The following EXT1 variants were observed in gnomAD, a reference collection of about 807,000 sequenced individuals.
EXT1 encodes exostosin glycosyltransferase 1.
In EXT1, 20 loss-of-function variants were observed where a neutral mutation model predicts 82.5. The observed-to-expected ratio is 0.24, with a 90% confidence interval of 0.17 to 0.35. The LOEUF is 0.35. Among genes scored for constraint, EXT1 ranks in the 10% least tolerant of loss-of-function variants. EXT1 has a pLI of 1.00. For synonymous variants in EXT1, 348 were observed against 350.8 expected, an observed-to-expected ratio of 0.99 and a Z score of 0.09; for missense variants, 757 against 936.5, an observed-to-expected ratio of 0.81 and a Z score of 2.50.
chr8:118,101,847 G>A (rs1452414081), intron 1 of EXT1, among the ~76,000 whole-genome samples: 1 of 152,122 alleles, frequency 6.6e-6, no homozygotes, highest in East Asian at 1.9e-4. Flanking sequence ...GGGGAGTTAG[G>A]GAGGACAGGA....
chr8:117,801,134 G>C (rs151233683), intron 10 of EXT1, among the ~76,000 whole-genome samples: 1 of 152,204 alleles, frequency 6.6e-6, no homozygotes, highest in Non-Finnish European at 1.5e-5. Flanking sequence ...CAACATGCTC[G>C]AAAATAACAT....
intron 1 of EXT1, among the ~76,000 whole-genome samples, chr8:118,083,640 C>T (rs969978017): frequency 6.6e-6 from 1 of 152,168 alleles, no homozygotes; most frequent in Non-Finnish European, 1.5e-5. Context: ...CTGCCCAGCA[C>T]AGTCCCCAGG....
chr8:117,960,408 A>T (rs1231661542), intron 1 of EXT1, among the ~76,000 whole-genome samples: 2 of 152,174 alleles, frequency 1.3e-5, no homozygotes, highest in African/African-American at 4.8e-5. Flanking sequence ...GAAAGCTTAT[A>T]AAAAGCTCCA....
At chr8:117,871,143 G>A (rs545624129) in intron 1 of EXT1, among the ~76,000 whole-genome samples, 1 of 152,092 alleles carries the variant, frequency 6.6e-6, no homozygotes, top group Non-Finnish European at 1.5e-5. Flanking sequence ...TCCCTAATCT[G>A]CCCTTGTTTA....
intron 8 of EXT1, among the ~76,000 whole-genome samples, chr8:117,809,361 G>C (rs1823286008): frequency 6.6e-6 from 1 of 151,360 alleles, no homozygotes; most frequent in South Asian, 2.1e-4. Context: ...ACGGGGCCAG[G>C]CACAGTGTCT....
At chr8:117,804,348 C>T (rs1459675148) in intron 10 of EXT1, among the ~76,000 whole-genome samples, 1 of 152,106 alleles carries the variant, frequency 6.6e-6, no homozygotes, top group Non-Finnish European at 1.5e-5. Context: ...TCTGCTGGTG[C>T]CTTGATCTGG....
chr8:118,007,024 G>A (rs865978037), intron 1 of EXT1, among the ~76,000 whole-genome samples: 2 of 152,198 alleles, frequency 1.3e-5, no homozygotes, highest in Non-Finnish European at 2.9e-5. Context: ...CTGGCCGGGC[G>A]CGGTGGCTCA....
intron 1 of EXT1, among the ~76,000 whole-genome samples, chr8:117,904,060 AG>A (rs1254311937): frequency 2.6e-5 from 4 of 152,238 alleles, no homozygotes; most frequent in Non-Finnish European, 5.9e-5. Flanking sequence ...TCTTATCTTC[AG>A]GAACTTCTGG....
intron 1 of EXT1, among the ~76,000 whole-genome samples, chr8:118,048,756 T>C (rs1816669913): frequency 6.6e-6 from 1 of 152,158 alleles, no homozygotes; most frequent in South Asian, 2.1e-4. Context: ...GATCTATGAG[T>C]GGAATTAAAT....
intron 1 of EXT1, among the ~76,000 whole-genome samples, chr8:118,019,718 T>C (rs1439249712): frequency 6.6e-6 from 1 of 152,252 alleles, no homozygotes; most frequent in Non-Finnish European, 1.5e-5. Flanking sequence ...GCACTCGCTA[T>C]GTATTAAGTA....
At position 118,110,533 on chromosome 8, in the gene EXT1, G is replaced by A. The variant is rs1403919037; in HGVS notation, c.514C>T (p.His172Tyr). ...CTCTGCACTTTGGATCTCAAATTGT[G>A]CACATACTGAGGTGACAACTGGTCT... is the stretch of plus-strand genomic sequence containing the variant. ...DRDQLSPQYV[H>Y]NLRSKVQSLH... The change falls in exon 1 of 11, where the codon CAC (histidine) becomes TAC (tyrosine). Residue 172 changes from histidine to tyrosine, a missense_variant. Transcript: ENST00000378204. 1 of 1,614,022 alleles carries A rather than the reference G, an allele frequency of 6.2e-7. No homozygotes were observed. The highest frequency in any genetic ancestry group is 8.5e-7 in the Non-Finnish European group (1 of 1,180,044).
intron 1 of EXT1, among the ~76,000 whole-genome samples, chr8:118,048,146 T>C (rs1816653282): frequency 6.6e-6 from 1 of 152,214 alleles, no homozygotes; most frequent in Non-Finnish European, 1.5e-5. Context: ...GTCAATGCAT[T>C]GTTCAGATGA....
In EXT1 at chr8:118,110,063, A is replaced by G. The variant is rs199777879; in HGVS notation, c.962+22T>C. On this transcript the variant is annotated intron_variant, in intron 1 of 10. Coordinates refer to ENST00000378204, the MANE Select transcript of EXT1 (RefSeq NM_000127.3). ...CAGAGCCCAAGGCTGACTCCCAAAG[A>G]CACGCCAGCCCAGACACTTACTTCT... is the stretch of plus-strand genomic sequence containing the variant. 1.3e-3 allele frequency: 2,083 copies of G among 1,613,168 alleles called. 3 individuals carry two copies. The highest frequency in any genetic ancestry group is 1.9e-3 in the African/African-American group (141 of 74,750).
chr8:118,037,139 C>T lies in EXT1; in HGVS notation c.962+72946G>A, dbSNP rs553296342. On this transcript the variant is annotated intron_variant, in intron 1 of 10. Coordinates refer to ENST00000378204, the MANE Select transcript of EXT1 (RefSeq NM_000127.3). Reference sequence around the variant, plus strand: ...TTGTCTTAAACATCACATCTTCTAACTTTATGATCAATGCTTGTGATTCTC... The same window carrying T: ...TTGTCTTAAACATCACATCTTCTAATTTTATGATCAATGCTTGTGATTCTC... 5.9e-5 allele frequency among the ~76,000 whole-genome samples: 9 copies of T among 152,164 alleles called. No individual in the cohort carries two copies. In the South Asian group the frequency reaches 1.7e-3, roughly 28 times the overall value.
At chr8:117,902,751 C>T (rs1412551146) in intron 1 of EXT1, among the ~76,000 whole-genome samples, 1 of 152,230 alleles carries the variant, frequency 6.6e-6, no homozygotes, top group African/African-American at 2.4e-5. Flanking sequence ...TTCTTCCATT[C>T]ATTTTTTTCA....
At chr8:118,094,214 A>G (rs925628757) in intron 1 of EXT1, among the ~76,000 whole-genome samples, 4 of 152,164 alleles carry the variant, frequency 2.6e-5, no homozygotes, top group African/African-American at 9.7e-5. Flanking sequence ...TACTTTTGTA[A>G]TAGGAGAACG....
chr8:117,915,352 CATAT>C (rs58661474), intron 1 of EXT1, among the ~76,000 whole-genome samples: 2 of 147,328 alleles, frequency 1.4e-5, no homozygotes. Context: ...TAGATATAAC[CATAT>C]ATATATATAT....
intron 1 of EXT1, among the ~76,000 whole-genome samples, chr8:118,042,280 T>C (rs1380231993): frequency 6.6e-6 from 1 of 151,774 alleles, no homozygotes; most frequent in Non-Finnish European, 1.5e-5. Context: ...AAATCCACCT[T>C]GGTTTAGTTT....
At chr8:117,934,522 G>C (rs1233732679) in intron 1 of EXT1, among the ~76,000 whole-genome samples, 1 of 152,180 alleles carries the variant, frequency 6.6e-6, no homozygotes, top group Non-Finnish European at 1.5e-5. Flanking sequence ...GTTCCCACTG[G>C]GGAAATTCCC....
Sources: allele counts gnomAD v4.1 joint callset (sites outside exome capture counted in the v4.1 genomes callset), GRCh38; gene constraint gnomAD v4.1.1; transcripts MANE v1.5; gene names NCBI Gene and HGNC (gene_info 2026-07-23, HGNC 2026-07-21).